The following STPG1 variants were observed in gnomAD, a reference collection of about 807,000 sequenced individuals.
The protein encoded by STPG1 is sperm tail PG-rich repeat containing 1.
Under a neutral mutation model 40.1 loss-of-function variants are expected in STPG1, and 33 were observed. The ratio of observed to expected loss-of-function variants is 0.82; its 90% CI spans 0.62 to 1.10. The LOEUF is 1.10. Ranked by LOEUF, STPG1 falls within the 50% of genes least tolerant of loss-of-function variation. The probability of loss-of-function intolerance (pLI) is 0.00; values close to 1 mark genes in which losing one functional copy is unlikely to be tolerated. For synonymous variants in STPG1, 150 were observed against 155.0 expected, an observed-to-expected ratio of 0.97 and a Z score of 0.24; for missense variants, 396 against 415.1, an observed-to-expected ratio of 0.95 and a Z score of 0.40.
intron 1 of STPG1, among the ~76,000 whole-genome samples, chr1:24,411,490 A>G (rs1643642218): frequency 6.6e-6 from 1 of 152,158 alleles, no homozygotes; most frequent in South Asian, 2.1e-4. Context: ...TCCACTTGCT[A>G]GAGTGCAGTG....
chr1:24,376,616 A>C (rs1309412453), intron 5 of STPG1, among the ~76,000 whole-genome samples: 1 of 152,172 alleles, frequency 6.6e-6, no homozygotes, highest in Non-Finnish European at 1.5e-5. Flanking sequence ...GCATCCCAGG[A>C]CCTGTGCTGG....
At chr1:24,401,603 CACA>C in intron 1 of STPG1, 147 bp from the exon 2 acceptor site, 1 of 579,526 alleles carries the variant, frequency 1.7e-6, no homozygotes, top group Admixed American at 2.9e-5. Context: ...AAGTCCCAAG[CACA>C]TTGTGCTGGT....
chr1:24,365,691 A>T (rs1641412677), intron 7 of STPG1, among the ~76,000 whole-genome samples: 1 of 152,248 alleles, frequency 6.6e-6, no homozygotes, highest in Non-Finnish European at 1.5e-5. Flanking sequence ...TGCTTTGATA[A>T]AAATACAAGT....
intron 6 of STPG1, among the ~76,000 whole-genome samples, chr1:24,372,990 CTT>C (rs757333412): frequency 6.6e-6 from 1 of 152,184 alleles, no homozygotes; most frequent in Non-Finnish European, 1.5e-5. Context: ...CAGGAAAGCT[CTT>C]GTGTATTCCT....
chr1:24,364,307 A>T, intron 7 of STPG1: 1 of 1,549,876 alleles, frequency 6.5e-7, no homozygotes, highest in South Asian at 1.2e-5. Flanking sequence ...AGGCAGAGGG[A>T]CCTGGATTCA....
Position 24,401,394 on chromosome 1 carries a change from C to A in STPG1, c.-6G>T. 1 of 1,613,690 alleles carries A rather than the reference C, an allele frequency of 6.2e-7. No individual in the cohort carries two copies. Among genetic ancestry groups the A allele is most frequent in the South Asian group, 1.1e-5 (1 of 90,992 alleles). ...TTCTGTGCAGAGTTGTCCATGTTAG[C>A]AAAATTCTGTGACGTGTTCCATTTG... is the stretch of plus-strand genomic sequence containing the variant. On this transcript the variant is annotated 5_prime_UTR_variant, in exon 2 of 9. Transcript: ENST00000337248.
At chr1:24,362,195 C>T (rs1641167850) in intron 7 of STPG1, among the ~76,000 whole-genome samples, 1 of 152,220 alleles carries the variant, frequency 6.6e-6, no homozygotes, top group South Asian at 2.1e-4. Flanking sequence ...GCACTTTAGC[C>T]AACAACTTCT....
intron 6 of STPG1, among the ~76,000 whole-genome samples, chr1:24,371,627 A>C (rs565908789): frequency 1.3e-5 from 2 of 152,240 alleles, no homozygotes; most frequent in South Asian, 4.1e-4. Flanking sequence ...TATATGCTTA[A>C]ATTTTTAAAG....
intron 5 of STPG1, among the ~76,000 whole-genome samples, chr1:24,374,755 G>A (rs1641942519): frequency 6.6e-6 from 1 of 152,038 alleles, no homozygotes; most frequent in South Asian, 2.1e-4. Context: ...CTCCAGAATA[G>A]CAGGGACTTC....
rs1346637809 is a variant in STPG1 at position 24,369,552 on chromosome 1, C to T, written c.737+122G>A. ...AGCATCATTATGTGTGACTAAGGGC[C>T]CCTGAAGAGAGTGGCCCGGCACTGT... On this transcript the variant is annotated intron_variant, in intron 7 of 8. Coordinates refer to ENST00000337248, the MANE Select transcript of STPG1 (RefSeq NM_001199013.2). The T allele has an allele frequency of 3.9e-6, 4 of 1,022,878 alleles. No homozygotes were observed. The African/African-American group carries it at 4.8e-5, about 12-fold the overall frequency. The allele number at this position is 1,022,878 out of a possible 1,614,324, so 63.4% of individuals were successfully genotyped here.
intron 1 of STPG1, 44 bp from the exon 2 acceptor site, chr1:24,401,500 G>T: frequency 1.1e-6 from 1 of 881,670 alleles, no homozygotes; most frequent in Non-Finnish European, 1.9e-6. Context: ...ATTTCACATT[G>T]GTTAATTATT....
chr1:24,382,828 C>T (rs1044856489), intron 4 of STPG1, among the ~76,000 whole-genome samples: 1 of 151,270 alleles, frequency 6.6e-6, no homozygotes, highest in Non-Finnish European at 1.5e-5. Context: ...CATAATACAT[C>T]TGTGCAAGAA....
At chr1:24,391,527 TA>T in intron 3 of STPG1, 33 bp downstream of exon 3, 1 of 1,359,214 alleles carries the variant, frequency 7.4e-7, no homozygotes, top group Non-Finnish European at 1.0e-6. Flanking sequence ...AAATCCAGAC[TA>T]AAACGAAAGA....
rs145135574 is a variant in STPG1 at position 24,389,732 on chromosome 1, A to G, written c.189+1829T>C. Among the ~76,000 whole-genome samples the G allele has an allele frequency of 1.5e-3, 225 of 152,316 alleles. 1 individual carries two copies. The highest frequency in any genetic ancestry group is 5.1e-3 in the African/African-American group (212 of 41,584). The stretch of plus-strand genomic sequence containing the variant: ...CAAATATCCTGGAGAGGGACAATAT[A>G]TTATCATTAAATTGACAAATGGGAA... On this transcript the variant is annotated intron_variant, in intron 3 of 8. Transcript: ENST00000337248.
chr1:24,365,272 A>G (rs1217805977), intron 7 of STPG1, among the ~76,000 whole-genome samples: 1 of 152,196 alleles, frequency 6.6e-6, no homozygotes, highest in Non-Finnish European at 1.5e-5. Flanking sequence ...CCAGTGGCTT[A>G]AAACTCCAGG....
intron 1 of STPG1, among the ~76,000 whole-genome samples, chr1:24,404,794 T>C (rs1385938605): frequency 6.6e-6 from 1 of 152,208 alleles, no homozygotes; most frequent in African/African-American, 2.4e-5. Flanking sequence ...TACATATTTT[T>C]GTTAAGTCTC....
At chr1:24,370,317 C>CT (rs10679997) in intron 6 of STPG1, among the ~76,000 whole-genome samples, 45,637 of 137,040 alleles carry the variant, frequency 0.33, 7,835 homozygotes, top group East Asian at 0.44. Flanking sequence ...CAACAACTAT[C>CT]TTTTTTTTTT....
intron 7 of STPG1, among the ~76,000 whole-genome samples, chr1:24,367,127 C>T (rs1383962577): frequency 6.6e-6 from 1 of 152,206 alleles, no homozygotes; most frequent in Non-Finnish European, 1.5e-5. Context: ...GCCACCTAAC[C>T]CGGCATTTTG....
chr1:24,374,029 G>A (rs1004453759), intron 5 of STPG1, among the ~76,000 whole-genome samples: 1 of 152,078 alleles, frequency 6.6e-6, no homozygotes, highest in Non-Finnish European at 1.5e-5. Flanking sequence ...GGAAAATGCT[G>A]GTCACTCAAC....
Sources: gnomAD v4.1 joint callset for allele counts (sites outside exome capture counted in the v4.1 genomes callset) on GRCh38, gnomAD v4.1.1 for gene constraint, MANE v1.5 for transcripts, NCBI Gene and HGNC (gene_info 2026-07-23, HGNC 2026-07-21) for gene names.